Variants in ORC3 observed in about 807,000 individuals in gnomAD.
ORC3 encodes origin recognition complex subunit 3, also known as homolog of latheo, Drosophila.
Under a neutral mutation model 100.7 loss-of-function variants are expected in ORC3, and 78 were observed. The observed-to-expected ratio is 0.77, with a 90% CI of 0.65 to 0.94. ORC3 has a LOEUF of 0.94. ORC3 is among the 40% of genes least tolerant of loss of function. The probability of loss-of-function intolerance (pLI) is 0.00; values close to 1 mark genes in which losing one functional copy is unlikely to be tolerated. For missense variants in ORC3, 789 were observed against 823.9 expected (o/e 0.96, Z 0.52); for synonymous variants, 295 against 289.3 (o/e 1.02, Z -0.20).
chr6:87,596,269 G>T (rs1335864399), intron 2 of ORC3, among the ~76,000 whole-genome samples: 3 of 151,914 alleles, frequency 2.0e-5, no homozygotes, highest in Non-Finnish European at 2.9e-5. Context: ...GAGTAGCTGG[G>T]ACTACAGGCA....
chr6:87,616,917 C>A (rs772503622), intron 9 of ORC3, among the ~76,000 whole-genome samples: 2 of 152,134 alleles, frequency 1.3e-5, no homozygotes, highest in Non-Finnish European at 2.9e-5. Flanking sequence ...TCTGCCTCAG[C>A]CTCCCATGTA....
chr6:87,676,779 T>TA, the ORC3 span, among the ~76,000 whole-genome samples: 4,602 of 122,062 alleles, frequency 0.038, 242 homozygotes, highest in African/African-American at 0.13. Flanking sequence ...GACTCCATCT[T>TA]AAAAAAAAAA....
intron 18 of ORC3, 111 bp from the exon 19 acceptor site, chr6:87,665,643 G>A: frequency 1.6e-6 from 1 of 609,396 alleles, no homozygotes; most frequent in Non-Finnish European, 3.0e-6. Context: ...TCTTAAATTT[G>A]ATATAATGAA....
At chr6:87,644,079 C>CT (rs1156943778) in intron 13 of ORC3, among the ~76,000 whole-genome samples, 903 of 51,414 alleles carry the variant, frequency 0.018, 207 homozygotes, top group Non-Finnish European at 0.02. Context: ...GCTGACTGTC[C>CT]TTTTTTTTTT....
rs1156943778 is a variant in ORC3 at position 87,644,079 on chromosome 6, C to CTTTTTTTTTTTTT, written c.1382+7612_1382+7624dup. On this transcript the variant is annotated intron_variant, in intron 13 of 19. Coordinates refer to ENST00000392844, the MANE Select transcript of ORC3 (RefSeq NM_012381.4). ...CCACAGATACAGATGGCTGACTGTC[C>CTTTTTTTTTTTTT]TTTTTTTTTTTTTTTTTTTTTTTTT... Among the ~76,000 whole-genome samples, 11 of 51,422 alleles carry CTTTTTTTTTTTTT rather than the reference C, an allele frequency of 2.1e-4. 1 individual carries two copies. The highest frequency in any genetic ancestry group is 6.7e-4 in the African/African-American group (7 of 10,520). 33.7% of individuals were successfully genotyped at this position (51,422 alleles called of 152,430 possible). A position where few individuals can be genotyped will look rare whatever the true frequency, so the allele number is the denominator to read the frequency against.
At chr6:87,628,777 T>G (rs1178459089) in intron 11 of ORC3, among the ~76,000 whole-genome samples, 2 of 152,190 alleles carry the variant, frequency 1.3e-5, no homozygotes, top group Non-Finnish European at 2.9e-5. Flanking sequence ...GATGAAGACC[T>G]GCCTTTCACC....
intron 1 of ORC3, among the ~76,000 whole-genome samples, chr6:87,591,644 A>C (rs62417698): frequency 2.0e-5 from 3 of 152,348 alleles, no homozygotes; most frequent in Admixed American, 2.0e-4. Flanking sequence ...TATTATAACA[A>C]ATGTCTGTAT....
At chr6:87,642,691 A>G (rs1167962813) in intron 13 of ORC3, among the ~76,000 whole-genome samples, 2 of 151,464 alleles carry the variant, frequency 1.3e-5, no homozygotes, top group Non-Finnish European at 2.9e-5. Flanking sequence ...TCACGAGGTC[A>G]GGAGATTGAG....
the ORC3 span, among the ~76,000 whole-genome samples, chr6:87,677,337 CA>C: frequency 6.6e-6 from 1 of 152,084 alleles, no homozygotes; most frequent in Non-Finnish European, 1.5e-5. Flanking sequence ...TCTATATAAA[CA>C]GTAAATCTGT....
intron 11 of ORC3, among the ~76,000 whole-genome samples, chr6:87,627,872 T>A (rs1293724240): frequency 2.0e-5 from 3 of 152,172 alleles, no homozygotes; most frequent in Non-Finnish European, 2.9e-5. Flanking sequence ...GCATTTGTTA[T>A]TGTTTCCCCC....
chr6:87,612,769 C>A (rs1365259951), intron 8 of ORC3, among the ~76,000 whole-genome samples: 1 of 152,110 alleles, frequency 6.6e-6, no homozygotes, highest in Non-Finnish European at 1.5e-5. Flanking sequence ...TGTGCCGCCA[C>A]GCCTGGCTAA....
intron 9 of ORC3, among the ~76,000 whole-genome samples, chr6:87,618,149 G>A (rs1161793508): frequency 1.3e-5 from 2 of 152,178 alleles, no homozygotes; most frequent in South Asian, 2.1e-4. Context: ...GGTGGCTCAC[G>A]CCTATAATCC....
chr6:87,663,179 T>G (rs780253093), intron 17 of ORC3, 35 bp downstream of exon 17: 178 of 1,556,796 alleles, frequency 1.1e-4, no homozygotes, highest in Non-Finnish European at 1.6e-5. Context: ...ATAGTTTAGC[T>G]CAGACTCTGG....
chr6:87,623,470 A>C (rs1779671478), intron 11 of ORC3, among the ~76,000 whole-genome samples: 1 of 152,240 alleles, frequency 6.6e-6, no homozygotes, highest in Non-Finnish European at 1.5e-5. Context: ...TGCCAAGTCC[A>C]TTTCCTGCTA....
Position 87,607,756 on chromosome 6 carries a change from C to A in ORC3, c.511C>A (p.His171Asn). 6.2e-7 allele frequency: 1 copy of A among 1,612,116 alleles called. No homozygotes were observed. Among genetic ancestry groups the A allele is most frequent in the South Asian group, 1.1e-5 (1 of 90,992 alleles). ...AAAATCCAAAGAGGAGGAAAGTGTT[C>A]ACGTCACCCAAAGAAAGACACATTA... ...DIKSKEEESVHVTQRKTHYSM... is the reference protein window; with the variant it reads ...DIKSKEEESVNVTQRKTHYSM... The change falls in exon 6 of 20, where the codon CAC (histidine) becomes AAC (asparagine). Residue 171 changes from histidine to asparagine, a missense_variant. His to Asn is a moderately conservative substitution (Grantham distance 68, BLOSUM62 1). This residue lies in a region of ORC3 where 399 missense variants were observed against 382.0 expected (regional missense o/e 1.04). Transcript: ENST00000392844.
At chr6:87,601,311 A>T (rs1273965287) in intron 2 of ORC3, among the ~76,000 whole-genome samples, 1 of 152,214 alleles carries the variant, frequency 6.6e-6, no homozygotes, top group Non-Finnish European at 1.5e-5. Context: ...ATAAAAGATT[A>T]TAAAAAATGA....
intron 11 of ORC3, among the ~76,000 whole-genome samples, chr6:87,625,640 G>T (rs1779844750): frequency 6.6e-6 from 1 of 152,102 alleles, no homozygotes; most frequent in Admixed American, 6.5e-5. Context: ...CATTTTGTAG[G>T]TTGCCTGTTC....
At chr6:87,603,262 T>A (rs1778098285) in intron 3 of ORC3, 122 bp from the exon 4 acceptor site, 1 of 543,288 alleles carries the variant, frequency 1.8e-6, no homozygotes, top group East Asian at 3.0e-5. Context: ...AAACATTTTT[T>A]AATTAGGTTC....
At chr6:87,602,954 A>AATATATATATATATAT (rs397935596) in intron 3 of ORC3, among the ~76,000 whole-genome samples, 1,882 of 94,410 alleles carry the variant, frequency 0.02, 59 homozygotes, top group Non-Finnish European at 0.027. Context: ...ACACATATAT[A>AATATATATATATATAT]ATATATATAT....
Sources: allele counts gnomAD v4.1 joint callset (sites outside exome capture counted in the v4.1 genomes callset), GRCh38; gene constraint gnomAD v4.1.1; regional missense constraint gnomAD v4.1.1; transcripts MANE v1.5; gene names NCBI Gene and HGNC (gene_info 2026-07-23, HGNC 2026-07-21).